Variants in COPG2 observed in about 807,000 individuals in gnomAD.
COPG2 encodes coatomer subunit gamma-2.
In COPG2, 37 loss-of-function variants were observed where a neutral mutation model predicts 46.3. The ratio of observed to expected loss-of-function variants is 0.80; its 90% CI spans 0.61 to 1.05. The LOEUF (loss-of-function observed/expected upper bound fraction) is 1.05. COPG2 is among the 50% of genes least tolerant of loss of function. COPG2 has a pLI of 0.00. For missense variants in COPG2, 427 were observed against 387.8 expected (o/e 1.10, Z -0.85); for synonymous variants, 159 against 129.7 (o/e 1.23, Z -1.53).
chr7:130,607,916 C>A, intron 9 of COPG2: 1 of 476,024 alleles, frequency 2.1e-6, no homozygotes. Flanking sequence ...TTTTTGCTTG[C>A]TTTTCACCAC....
At chr7:130,632,920 G>C (rs372351156) in intron 5 of COPG2, among the ~76,000 whole-genome samples, 1 of 151,976 alleles carries the variant, frequency 6.6e-6, no homozygotes, top group African/African-American at 2.4e-5. Flanking sequence ...ACAGGCCCCG[G>C]TGTGTGATGT....
chr7:130,635,610 C>A (rs1229053553), intron 5 of COPG2, among the ~76,000 whole-genome samples: 1 of 152,044 alleles, frequency 6.6e-6, no homozygotes, highest in African/African-American at 2.4e-5. Flanking sequence ...CTTTATTAGT[C>A]TGGCTAGCAG....
intron 20 of COPG2, among the ~76,000 whole-genome samples, chr7:130,531,364 A>T (rs1246520807): frequency 6.6e-6 from 1 of 152,074 alleles, no homozygotes; most frequent in African/African-American, 2.4e-5. Context: ...GGTCAAGGTA[A>T]GGGGCTGGAT....
chr7:130,542,682 T>C (rs1164758897), intron 20 of COPG2, among the ~76,000 whole-genome samples: 3 of 152,150 alleles, frequency 2.0e-5, no homozygotes, highest in Admixed American at 2.0e-4. Context: ...TACACTGGCA[T>C]ACCACATGGA....
intron 20 of COPG2, among the ~76,000 whole-genome samples, chr7:130,525,398 G>A (rs1287734835): frequency 2.0e-5 from 3 of 152,146 alleles, no homozygotes; most frequent in African/African-American, 7.2e-5. Context: ...AGGAGAATGT[G>A]GGGGATGGGG....
chr7:130,641,127 G>A (rs1317497016), intron 5 of COPG2, among the ~76,000 whole-genome samples: 6 of 142,234 alleles, frequency 4.2e-5, no homozygotes, highest in African/African-American at 1.3e-4. Flanking sequence ...ACTGCTTGAG[G>A]TCAGGAGTTC....
chr7:130,570,467 T>G (rs1793876571), intron 9 of COPG2, among the ~76,000 whole-genome samples: 1 of 151,972 alleles, frequency 6.6e-6, no homozygotes, highest in African/African-American at 2.4e-5. Context: ...TGCAATAAAA[T>G]AAAATACTTA....
At chr7:130,554,853 T>G (rs1163391089) in intron 13 of COPG2, 129 bp from the exon 14 acceptor site, 8 of 397,600 alleles carry the variant, frequency 2.0e-5, no homozygotes, top group Middle Eastern at 6.2e-4. Context: ...AGCAAAAGTG[T>G]TTTTTCTCCA....
At chr7:130,618,761 G>A (rs1359237583) in intron 5 of COPG2, among the ~76,000 whole-genome samples, 1 of 151,776 alleles carries the variant, frequency 6.6e-6, no homozygotes, top group Non-Finnish European at 1.5e-5. Flanking sequence ...TACATTTTTT[G>A]TGATTTTTGG....
chr7:130,586,269 G>C (rs1794266738), intron 9 of COPG2, among the ~76,000 whole-genome samples: 1 of 151,900 alleles, frequency 6.6e-6, no homozygotes, highest in Admixed American at 6.6e-5. Flanking sequence ...TAAGCTATGA[G>C]GACTCAAAGG....
chr7:130,595,302 G>T (rs545248333), intron 9 of COPG2, among the ~76,000 whole-genome samples: 1 of 152,286 alleles, frequency 6.6e-6, no homozygotes, highest in East Asian at 1.9e-4. Flanking sequence ...GAGATGTCCA[G>T]AACAGGCAAA....
chr7:130,590,102 T>C (rs1394145065), intron 9 of COPG2, among the ~76,000 whole-genome samples: 1 of 151,916 alleles, frequency 6.6e-6, no homozygotes, highest in African/African-American at 2.4e-5. Context: ...TGAGGTTCTG[T>C]TTATTTAAGC....
At chr7:130,513,147 G>A (rs1207758573) in intron 20 of COPG2, among the ~76,000 whole-genome samples, 2 of 151,260 alleles carry the variant, frequency 1.3e-5, no homozygotes, top group East Asian at 1.9e-4. Context: ...GTAGCTGGGC[G>A]TGGTGGCAGG....
chr7:130,646,917 GTGTT>G (rs1795605263), intron 5 of COPG2, among the ~76,000 whole-genome samples: 1 of 108,004 alleles, frequency 9.3e-6, no homozygotes, highest in South Asian at 3.0e-4. Flanking sequence ...CGGATAGTGT[GTGTT>G]TGTGTGTGTA....
chr7:130,615,284 G>A (rs1323361720), intron 6 of COPG2, among the ~76,000 whole-genome samples: 1 of 152,184 alleles, frequency 6.6e-6, no homozygotes, highest in African/African-American at 2.4e-5. Context: ...CTCCTGTTGG[G>A]GAAATCTTAT....
At chr7:130,646,988 T>TATATATATGC (rs1274326108) in intron 5 of COPG2, among the ~76,000 whole-genome samples, 4 of 15,094 alleles carry the variant, frequency 2.7e-4, no homozygotes, top group Non-Finnish European at 7.2e-4. Context: ...TATATGTATA[T>TATATATATGC]ATATATATGT....
intron 9 of COPG2, chr7:130,603,721 CAA>C (rs782190006): frequency 0.075 from 14,807 of 196,290 alleles, 1 homozygote; most frequent in Middle Eastern, 0.09. Context: ...AACTCAGTCT[CAA>C]AAAAAAAAAA....
At chr7:130,563,755 C>CAAAAAA (rs1239944614) in intron 10 of COPG2, among the ~76,000 whole-genome samples, 220 of 88,852 alleles carry the variant, frequency 2.5e-3, no homozygotes, top group Non-Finnish European at 2.8e-3. Flanking sequence ...GACTCCGTCT[C>CAAAAAA]AAAAAAAAAA....
chr7:130,647,008 TATGTATATATATATATGTGTATATATA>T (rs1795622023), intron 5 of COPG2, among the ~76,000 whole-genome samples: 18 of 137,328 alleles, frequency 1.3e-4, no homozygotes, highest in African/African-American at 4.2e-4. Context: ...TGTATATATA[TATGTATATATATATATGTGTATATATA>T]TATTTATTTA....
Sources: gnomAD v4.1 joint callset for allele counts (sites outside exome capture counted in the v4.1 genomes callset) on GRCh38, gnomAD v4.1.1 for gene constraint, MANE v1.5 for transcripts, NCBI Gene and HGNC (gene_info 2026-07-23, HGNC 2026-07-21) for gene names.